Variants in ASIC2 observed in about 807,000 individuals in gnomAD.
The protein encoded by ASIC2 is acid sensing ion channel subunit 2, also known as acid-sensing ion channel 2.
A neutral mutation model predicts 57.3 loss-of-function variants in ASIC2; 25 were observed. The observed-to-expected ratio is 0.44, with a 90% CI of 0.32 to 0.61. The LOEUF (loss-of-function observed/expected upper bound fraction) is 0.61, where lower values mean the gene tolerates loss of function less well. Among genes scored for constraint, ASIC2 ranks in the 20% least tolerant of loss-of-function variants. The pLI is 0.06. For synonymous variants in ASIC2, 319 were observed against 307.5 expected, an observed-to-expected ratio of 1.04 and a Z score of -0.39; for missense variants, 641 against 738.1, an observed-to-expected ratio of 0.87 and a Z score of 1.52.
rs569877249 is a variant in ASIC2, at chr17:33,471,665, C to T, written c.556-359598G>A. 7.9e-5 allele frequency among the ~76,000 whole-genome samples: 12 copies of T among 152,100 alleles called. No individual in the cohort carries two copies. The South Asian group carries it at 1.2e-3, about 16-fold the overall frequency. On this transcript the variant is annotated intron_variant, in intron 1 of 9. Coordinates refer to the ASIC2 transcript ENST00000359872. Reference sequence around the variant, plus strand: ...ATGGAAGGAGATACTGCCTTTTCTCCGCAGGAATGGCCAGACTTTTGAGAG... The same window carrying T: ...ATGGAAGGAGATACTGCCTTTTCTCTGCAGGAATGGCCAGACTTTTGAGAG...
chr17:33,302,249 G>A (rs1013070085), intron 1 of ASIC2, among the ~76,000 whole-genome samples: 1 of 152,158 alleles, frequency 6.6e-6, no homozygotes, highest in South Asian at 2.1e-4. Flanking sequence ...CAAAACTCTC[G>A]TTAAAATAGT....
At chr17:33,546,729 GT>G (rs1915589857) in intron 1 of ASIC2, among the ~76,000 whole-genome samples, 1 of 152,088 alleles carries the variant, frequency 6.6e-6, no homozygotes, top group South Asian at 2.1e-4. Flanking sequence ...CCAGCCCTTG[GT>G]TCATGTTTTG....
At chr17:33,924,561 A>C (rs531493699) in intron 1 of ASIC2, among the ~76,000 whole-genome samples, 2 of 152,288 alleles carry the variant, frequency 1.3e-5, no homozygotes, top group Admixed American at 6.5e-5. Flanking sequence ...CACCTCCCAA[A>C]ATTCTATTTC....
intron 1 of ASIC2, among the ~76,000 whole-genome samples, chr17:33,819,172 A>G (rs1912676641): frequency 6.6e-6 from 1 of 152,226 alleles, no homozygotes; most frequent in South Asian, 2.1e-4. Flanking sequence ...TCCAGGAAGG[A>G]TGGAGGCTGG....
At chr17:33,772,570 T>C (rs1314226924) in intron 1 of ASIC2, among the ~76,000 whole-genome samples, 1 of 152,258 alleles carries the variant, frequency 6.6e-6, no homozygotes, top group East Asian at 1.9e-4. Flanking sequence ...ATATGTATAC[T>C]ATGTATTATG....
chr17:33,520,163 A>C (rs1914697330), intron 1 of ASIC2, among the ~76,000 whole-genome samples: 2 of 151,842 alleles, frequency 1.3e-5, no homozygotes, highest in African/African-American at 2.4e-5. Context: ...GATTTGGGGG[A>C]GGGTCATTAA....
At chr17:33,232,650 T>C (rs1268647539) in intron 1 of ASIC2, among the ~76,000 whole-genome samples, 1 of 152,218 alleles carries the variant, frequency 6.6e-6, no homozygotes, top group Non-Finnish European at 1.5e-5. Context: ...TTTATGTAAA[T>C]TGTCAATCCT....
chr17:34,125,474 A>AT (rs1911752199), intron 1 of ASIC2, among the ~76,000 whole-genome samples: 1 of 152,090 alleles, frequency 6.6e-6, no homozygotes, highest in Non-Finnish European at 1.5e-5. Context: ...CAGAAAAGTA[A>AT]TTTGTTAGAG....
At chr17:33,983,965 G>A (rs1258282781) in intron 1 of ASIC2, among the ~76,000 whole-genome samples, 1 of 152,144 alleles carries the variant, frequency 6.6e-6, no homozygotes, top group Non-Finnish European at 1.5e-5. Context: ...GGCAAGCTTG[G>A]GCCCTGGCAG....
intron 1 of ASIC2, among the ~76,000 whole-genome samples, chr17:33,573,727 C>T (rs557014643): frequency 7.2e-5 from 11 of 152,124 alleles, no homozygotes; most frequent in South Asian, 4.2e-4. Context: ...CACCACGCCC[C>T]GCTAATTTTT....
intron 1 of ASIC2, among the ~76,000 whole-genome samples, chr17:34,127,242 A>G (rs566853310): frequency 8.5e-5 from 13 of 152,154 alleles, no homozygotes; most frequent in African/African-American, 2.9e-4. Flanking sequence ...AGAAATGAGG[A>G]CTTCCTATCA....
At chr17:33,061,695 T>C (rs1225667360) in intron 3 of ASIC2, among the ~76,000 whole-genome samples, 3 of 152,184 alleles carry the variant, frequency 2.0e-5, no homozygotes, top group African/African-American at 7.2e-5. Flanking sequence ...TTAGGGAGGA[T>C]TCCCTCTTTT....
At chr17:33,946,361 G>A (rs1359598514) in intron 1 of ASIC2, among the ~76,000 whole-genome samples, 3 of 152,146 alleles carry the variant, frequency 2.0e-5, no homozygotes, top group African/African-American at 7.2e-5. Flanking sequence ...GCCCTCTGCT[G>A]TAGCAAAAGT....
At chr17:33,932,768 A>ATAAAT (rs1404536951) in intron 1 of ASIC2, 1 of 138,708 alleles carries the variant, frequency 7.2e-6, no homozygotes, top group East Asian at 2.1e-4. Context: ...ATATAGTATG[A>ATAAAT]TAAATTAATT....
chr17:33,032,667 T>G (rs1033236198), intron 3 of ASIC2, among the ~76,000 whole-genome samples: 1 of 152,128 alleles, frequency 6.6e-6, no homozygotes, highest in Non-Finnish European at 1.5e-5. Context: ...CAGGCTTGTC[T>G]CAAACTCCTG....
At chr17:33,081,460 G>T (rs2092112685) in intron 3 of ASIC2, among the ~76,000 whole-genome samples, 1 of 152,158 alleles carries the variant, frequency 6.6e-6, no homozygotes, top group Non-Finnish European at 1.5e-5. Context: ...CCTCTCCAGT[G>T]CTTTGATGGG....
At chr17:33,799,403 T>TTTTCTTTCTTTCTTTCTTTC (rs1555562483) in intron 1 of ASIC2, among the ~76,000 whole-genome samples, 6 of 51,360 alleles carry the variant, frequency 1.2e-4, no homozygotes, top group East Asian at 3.6e-4. Flanking sequence ...TCTTTCTTTC[T>TTTTCTTTCTTTCTTTCTTTC]TTTCTTTCTT....
At chr17:33,366,626 A>T (rs2141935383) in intron 1 of ASIC2, among the ~76,000 whole-genome samples, 1 of 152,262 alleles carries the variant, frequency 6.6e-6, no homozygotes, top group South Asian at 2.1e-4. Context: ...CCCTCACTAA[A>T]CTATTTGTTT....
At position 33,310,276 on chromosome 17, in the gene ASIC2, C is replaced by T. The variant is rs527583006; in HGVS notation, c.556-198209G>A. Among the ~76,000 whole-genome samples, 5 of 152,142 alleles carry T rather than the reference C, an allele frequency of 3.3e-5. No homozygotes were observed. The South Asian group carries it at 1.0e-3, about 32-fold the overall frequency. On this transcript the variant is annotated intron_variant, in intron 1 of 9. Coordinates refer to the ASIC2 transcript ENST00000359872. ...GCCTGGGTATCAGGATCTCTAGGGT[C>T]ATGCCCCAACTCTGCCACTAACTTA... is the stretch of plus-strand genomic sequence containing the variant.
Sources: gnomAD v4.1 joint callset for allele counts (sites outside exome capture counted in the v4.1 genomes callset) on GRCh38, gnomAD v4.1.1 for gene constraint, MANE v1.5 for transcripts, NCBI Gene and HGNC (gene_info 2026-07-23, HGNC 2026-07-21) for gene names.